The following WNT3 variants were observed in gnomAD, a reference collection of about 807,000 sequenced individuals.
The protein encoded by WNT3 is Wnt family member 3, also known as proto-oncogene Wnt-3.
A neutral mutation model predicts 34.2 loss-of-function variants in WNT3; 7 were observed. The ratio of observed to expected loss-of-function variants is 0.20; its 90% CI spans 0.12 to 0.38. WNT3 has a LOEUF of 0.38. Among genes scored for constraint, WNT3 ranks in the 10% least tolerant of loss-of-function variants. The pLI is 1.00. For missense variants in WNT3, 267 were observed against 499.8 expected (o/e 0.53, Z 4.44); for synonymous variants, 212 against 211.5 (o/e 1.00, Z -0.02).
At chr17:46,790,973 T>G (rs1369472140) in intron 1 of WNT3, among the ~76,000 whole-genome samples, 1 of 152,250 alleles carries the variant, frequency 6.6e-6, no homozygotes, top group Admixed American at 6.5e-5. Flanking sequence ...ACTCCTCGTT[T>G]CCTCTGGGGT....
chr17:46,788,852 C>T (rs538919106), intron 1 of WNT3, among the ~76,000 whole-genome samples: 7 of 152,284 alleles, frequency 4.6e-5, no homozygotes, highest in African/African-American at 7.2e-5. Context: ...GTCTCCACGG[C>T]GAGCTGAGGG....
intron 1 of WNT3, among the ~76,000 whole-genome samples, chr17:46,808,432 A>G (rs1290435639): frequency 1.3e-5 from 2 of 152,250 alleles, no homozygotes; most frequent in East Asian, 3.8e-4. Flanking sequence ...ACAAAGTAGA[A>G]TATGAACAAG....
At chr17:46,791,768 G>A (rs2083990294) in intron 1 of WNT3, among the ~76,000 whole-genome samples, 1 of 152,226 alleles carries the variant, frequency 6.6e-6, no homozygotes, top group Non-Finnish European at 1.5e-5. Context: ...TCTCTGGCAT[G>A]GTGGCGCATG....
chr17:46,802,562 C>T (rs1470285588), intron 1 of WNT3, among the ~76,000 whole-genome samples: 1 of 152,170 alleles, frequency 6.6e-6, no homozygotes, highest in East Asian at 1.9e-4. Context: ...GCCACCGTGC[C>T]CGGCCAAGAT....
At chr17:46,800,173 C>T (rs538565138) in intron 1 of WNT3, among the ~76,000 whole-genome samples, 14 of 152,112 alleles carry the variant, frequency 9.2e-5, no homozygotes, top group Admixed American at 1.3e-4. Flanking sequence ...TGCAGTGGCG[C>T]GATCTCGGCT....
chr17:46,782,229 C>T (rs574248231), intron 1 of WNT3, among the ~76,000 whole-genome samples: 1 of 152,376 alleles, frequency 6.6e-6, no homozygotes, highest in South Asian at 2.1e-4. Context: ...GGGAAGGCAT[C>T]TTAAGACTCT....
At chr17:46,787,918 T>C (rs1398284674) in intron 1 of WNT3, among the ~76,000 whole-genome samples, 1 of 148,452 alleles carries the variant, frequency 6.7e-6, no homozygotes, top group Non-Finnish European at 1.5e-5. Flanking sequence ...ATTGTGCCAC[T>C]GCACTCCAGC....
intron 2 of WNT3, among the ~76,000 whole-genome samples, chr17:46,771,898 C>T (rs2059376676): frequency 6.9e-6 from 1 of 145,470 alleles, no homozygotes. Flanking sequence ...GCCCCTGCCC[C>T]CGCCCCCGCC....
Position 46,776,898 on chromosome 17 carries a change from C to T in WNT3, c.81-2989G>A, listed in dbSNP as rs2059417017. ...CTCCTCCTTCCCCTCCCGTTGCCTT[C>T]CTGCCTCCTCCTTCCTCCCCCTCTC... is the stretch of plus-strand genomic sequence containing the variant. On this transcript the variant is annotated intron_variant, in intron 1 of 4. Coordinates refer to ENST00000225512, the MANE Select transcript of WNT3 (RefSeq NM_030753.5). Among the ~76,000 whole-genome samples the T allele has an allele frequency of 1.3e-5, 2 of 152,164 alleles. 1 individual carries two copies. The highest frequency in any genetic ancestry group is 4.1e-4 in the South Asian group (2 of 4,832).
chr17:46,763,841 AAAAAAC>A lies in WNT3; in HGVS notation c.*783_*788del, dbSNP rs1304461039. On this transcript the variant is annotated 3_prime_UTR_variant, in exon 5 of 5. Transcript: ENST00000225512. ...AAGGTCCACTACCACCAAAAAAAAAAAAAAACAAAAAAACAAAAAAAAAACTGCATT... is the reference window on the plus strand; with the variant it reads ...AAGGTCCACTACCACCAAAAAAAAAAAAAAAAACAAAAAAAAAACTGCATT... 7 of 148,112 alleles carry A rather than the reference AAAAAAC, an allele frequency of 4.7e-5. No homozygotes were observed. The highest frequency in any genetic ancestry group is 1.8e-4 in the African/African-American group (7 of 38,466). The allele number at this position is 148,112 out of a possible 1,614,324, so 9.2% of individuals were successfully genotyped here.
intron 1 of WNT3, among the ~76,000 whole-genome samples, chr17:46,784,326 C>A (rs904719678): frequency 9.2e-5 from 14 of 152,224 alleles, no homozygotes; most frequent in Admixed American, 6.5e-4. Flanking sequence ...GTGCGTGGGG[C>A]CAGAGGGACT....
chr17:46,817,435 CG>C (rs1439291489), intron 1 of WNT3, among the ~76,000 whole-genome samples: 1 of 152,120 alleles, frequency 6.6e-6, no homozygotes, highest in African/African-American at 2.4e-5. Context: ...TAAAGTTTTC[CG>C]GAATGTAGGG....
At chr17:46,766,964 GA>G (rs2059319159) in intron 4 of WNT3, among the ~76,000 whole-genome samples, 1 of 152,284 alleles carries the variant, frequency 6.6e-6, no homozygotes, top group East Asian at 1.9e-4. Flanking sequence ...CCAGGTCTAT[GA>G]AGAATTTCTT....
intron 1 of WNT3, among the ~76,000 whole-genome samples, chr17:46,776,148 G>A (rs1051897372): frequency 2.6e-5 from 4 of 152,342 alleles, no homozygotes; most frequent in African/African-American, 9.6e-5. Context: ...TCAGACTCCA[G>A]AGCCCATGGG....
rs555202274 is a variant in WNT3, at chr17:46,774,791, C to T, written c.81-882G>A. Reference sequence around the variant, plus strand: ...TACTAGAAAACCAAGGTAGGAATTACGACTTTTCCGTTCCCTGCCCTCAGC... The same window carrying T: ...TACTAGAAAACCAAGGTAGGAATTATGACTTTTCCGTTCCCTGCCCTCAGC... On this transcript the variant is annotated intron_variant, in intron 1 of 4. Coordinates refer to ENST00000225512, the MANE Select transcript of WNT3 (RefSeq NM_030753.5). Among the ~76,000 whole-genome samples, 8 of 152,308 alleles carry T rather than the reference C, an allele frequency of 5.3e-5. No homozygotes were observed. In the South Asian group the frequency reaches 6.2e-4, roughly 12 times the overall value.
At position 46,773,871 on chromosome 17, in the gene WNT3, G is replaced by A. The variant is rs1466142390; in HGVS notation, c.119C>T (p.Ser40Leu). The change falls in exon 2 of 5, where the codon TCA becomes TTA. Residue 40 changes from serine (S) to leucine (L), a missense_variant. Around this residue, in one of 3 missense-constraint regions of WNT3, gnomAD observed 181 missense variants for 391.3 expected, o/e 0.46. Coordinates refer to ENST00000225512, the MANE Select transcript of WNT3 (RefSeq NM_030753.5). Reference protein sequence around the residue: ...ALGQQYTSLGSQPLLCGSIPG... With the variant: ...ALGQQYTSLGLQPLLCGSIPG... ...GATGGAGCCGCAGAGCAGGGGCTGT[G>A]AGCCCAGAGATGTGTACTGCTGGCC... The A allele has an allele frequency of 6.2e-7, 1 of 1,612,690 alleles. No individual in the cohort carries two copies. The highest frequency in any genetic ancestry group is 1.1e-5 in the South Asian group (1 of 91,032).
In WNT3 at chr17:46,781,888, G is replaced by T. The variant is rs77638255; in HGVS notation, c.81-7979C>A. On this transcript the variant is annotated intron_variant, in intron 1 of 4. Transcript: ENST00000225512. ...CCCAGAGAGGTTTGTCATTTTCCGGGGTCACACAGCTGGCTGCCCAGGAGG... is the reference window on the plus strand; with the variant it reads ...CCCAGAGAGGTTTGTCATTTTCCGGTGTCACACAGCTGGCTGCCCAGGAGG... Among the ~76,000 whole-genome samples, 263 of 152,250 alleles carry T rather than the reference G, an allele frequency of 1.7e-3. 4 individuals are homozygous for T. The East Asian group carries it at 0.04, about 23-fold the overall frequency.
intron 2 of WNT3, among the ~76,000 whole-genome samples, chr17:46,771,988 C>A (rs918400710): frequency 6.6e-6 from 1 of 150,582 alleles, no homozygotes; most frequent in Non-Finnish European, 1.5e-5. Context: ...CCCAGACTCG[C>A]GGAAGACGCG....
chr17:46,770,256 T>C (rs1054276357), intron 2 of WNT3, among the ~76,000 whole-genome samples: 4 of 152,200 alleles, frequency 2.6e-5, no homozygotes, highest in African/African-American at 7.2e-5. Context: ...ATGAGCAAAC[T>C]GAGGCCCTGG....
Sources: allele counts gnomAD v4.1 joint callset (sites outside exome capture counted in the v4.1 genomes callset), GRCh38; gene constraint gnomAD v4.1.1; regional missense constraint gnomAD v4.1.1; transcripts MANE v1.5; gene names NCBI Gene and HGNC (gene_info 2026-07-23, HGNC 2026-07-21).